PTPRH: variants seen among roughly 807,000 people sequenced by gnomAD.
PTPRH encodes receptor-type tyrosine-protein phosphatase H.
Under a neutral mutation model 130.2 loss-of-function variants are expected in PTPRH, and 113 were observed. The ratio of observed to expected loss-of-function variants is 0.87; its 90% confidence interval spans 0.75 to 1.01. PTPRH has a LOEUF of 1.01. Among genes scored for constraint, PTPRH ranks in the 50% least tolerant of loss-of-function variants. PTPRH has a pLI of 0.00. For synonymous variants in PTPRH, 556 were observed against 577.9 expected (o/e 0.96, Z 0.54); for missense variants, 1,430 against 1,425.0 (o/e 1.00, Z -0.06).
At chr19:55,207,096 C>T (rs1326273795) in intron 2 of PTPRH, 70 bp downstream of exon 2, 1 of 1,601,532 alleles carries the variant, frequency 6.2e-7, no homozygotes, top group Non-Finnish European at 8.5e-7. Flanking sequence ...ACGGGGACCC[C>T]CCAGAGGCTC....
intron 1 of PTPRH, among the ~76,000 whole-genome samples, chr19:55,208,936 C>G (rs1485361219): frequency 9.9e-6 from 1 of 100,554 alleles, no homozygotes; most frequent in African/African-American, 4.1e-5. Flanking sequence ...GGGCTGGGGT[C>G]TGGACTCCTG....
At chr19:55,204,135 T>C in intron 4 of PTPRH, 87 bp from the exon 5 acceptor site, 1 of 1,396,852 alleles carries the variant, frequency 7.2e-7, no homozygotes, top group Non-Finnish European at 9.7e-7. Context: ...TGTTTGTTTT[T>C]TCGAGACAGA....
intron 14 of PTPRH, 100 bp from the exon 15 acceptor site, chr19:55,186,640 A>AGGCAGAG (rs1555875420): frequency 8.7e-7 from 1 of 1,155,868 alleles, no homozygotes; most frequent in African/African-American, 1.6e-5. Flanking sequence ...AGACAAGACC[A>AGGCAGAG]AGACCCATGG....
rs1048372378 is a variant in PTPRH at position 55,206,779 on chromosome 19, C to T, written c.262G>A (p.Gly88Ser). 3.7e-6 allele frequency: 6 copies of T among 1,614,062 alleles called. No homozygotes were observed. The highest frequency in any genetic ancestry group is 2.2e-5 in the East Asian group (1 of 44,902). Residue 88 changes from glycine to serine, a missense_variant, in exon 3 of 20, where the codon GGC (glycine) becomes AGC (serine). Transcript: ENST00000376350. ...NTTATNVTVD[G>S]LGPGSLYTCS... ...GTATACAATGACCCGGGTCCAAGGC[C>T]ATCCACGGTGACGTTGGTGGCTGTT...
chr19:55,204,324 C>T (rs776959650), intron 4 of PTPRH, among the ~76,000 whole-genome samples: 18 of 152,130 alleles, frequency 1.2e-4, no homozygotes, highest in East Asian at 3.9e-4. Context: ...AGGCTGGTCT[C>T]GAACTCCTGA....
At chr19:55,207,277 C>A (rs894948113) in intron 1 of PTPRH, 78 bp from the exon 2 acceptor site, 5 of 1,501,630 alleles carry the variant, frequency 3.3e-6, no homozygotes, top group Non-Finnish European at 4.5e-6. Flanking sequence ...CTGGGAGGAG[C>A]GGCTGGTCCC....
Position 55,197,285 on chromosome 19 carries a change from G to A in PTPRH, c.1822C>T (p.Pro608Ser). ...YWVQWASKGHPRRGQDPQANW... is the reference protein window; with the variant it reads ...YWVQWASKGHSRRGQDPQANW... ...GCTTGGGGATCTTGCCCCCTCCGGG[G>A]ATGTCCCTTGCTGGCCCACTGGACC... Residue 608 changes from proline (P) to serine (S), a missense_variant, in exon 9 of 20, where the codon CCC (proline) becomes TCC (serine). By Grantham distance (74) the Pro-to-Ser change is moderately conservative. Coordinates refer to ENST00000376350, the MANE Select transcript of PTPRH (RefSeq NM_002842.5). 1.2e-6 allele frequency: 2 copies of A among 1,614,266 alleles called. No homozygotes were observed. Among genetic ancestry groups the A allele is most frequent in the South Asian group, 1.1e-5 (1 of 91,084 alleles).
intron 12 of PTPRH, chr19:55,189,696 T>C: frequency 2.2e-6 from 1 of 456,046 alleles, no homozygotes; most frequent in African/African-American, 2.0e-5. Flanking sequence ...CCGAAAATAT[T>C]CCTGCTGGGT....
intron 10 of PTPRH, among the ~76,000 whole-genome samples, chr19:55,192,485 C>T (rs1398904812): frequency 6.6e-6 from 1 of 152,108 alleles, no homozygotes; most frequent in African/African-American, 2.4e-5. Context: ...ATTGGTAAGG[C>T]TTCCAATCAA....
rs771431998 is a variant in PTPRH at position 55,203,872 on chromosome 19, C to T, written c.796G>A (p.Gly266Ser). ...GTATACAATGACCCGGGTCCAAGGC[C>T]ATCCACGGTGACTCTGGTGTCTGTT... is the stretch of plus-strand genomic sequence containing the variant. ...NTTDTRVTVD[G>S]LGPGSLYTCS... The change falls in exon 5 of 20, where the codon GGC becomes AGC. Residue 266 changes from glycine (G) to serine (S), a missense_variant. Transcript: ENST00000376350. 1.9e-6 allele frequency: 3 copies of T among 1,614,192 alleles called. No individual in the cohort carries two copies. Among genetic ancestry groups the T allele is most frequent in the Non-Finnish European group, 2.5e-6 (3 of 1,180,048 alleles).
intron 12 of PTPRH, among the ~76,000 whole-genome samples, chr19:55,190,722 C>T (rs1011454464): frequency 4.7e-5 from 7 of 149,430 alleles, no homozygotes; most frequent in Non-Finnish European, 7.4e-5. Flanking sequence ...CCTCTGCTCC[C>T]GGGTTCAAGT....
At position 55,191,550 on chromosome 19, in the gene PTPRH, T is replaced by C; in HGVS notation, c.2337-2A>G. 2 of 1,614,146 alleles carry C rather than the reference T, an allele frequency of 1.2e-6. No homozygotes were observed. The highest frequency in any genetic ancestry group is 2.2e-5 in the East Asian group (1 of 44,880). The stretch of plus-strand genomic sequence containing the variant: ...GGTTTCTGCTGCTTCTTCTTATTCC[T>C]GGGAAAAGGACGTTAGGATGAGAGG... On this transcript the variant is annotated splice_acceptor_variant, in intron 11 of 19. Transcript: ENST00000376350. LOFTEE classifies it high-confidence loss of function.
At chr19:55,201,916 T>G in intron 6 of PTPRH, 140 bp downstream of exon 6, 1 of 1,339,156 alleles carries the variant, frequency 7.5e-7, no homozygotes, top group Non-Finnish European at 1.0e-6. Flanking sequence ...TCTCCTGAGC[T>G]GAGACTGCCC....
chr19:55,207,384 G>C, intron 1 of PTPRH, 185 bp from the exon 2 acceptor site: 3 of 618,274 alleles, frequency 4.9e-6, no homozygotes, highest in Non-Finnish European at 8.6e-6. Flanking sequence ...AGAGAAGGGG[G>C]AGCATGGCAG....
In PTPRH at chr19:55,206,812, G is replaced by A. The variant is rs767269805; in HGVS notation, c.229C>T (p.Arg77Ter). ...GTGACGTTGGTGGCTGTTGTGTTTC[G>A]AGTCTCTGTTGTGCCGCCGTCTCCA... ...CTGDGGTTET[R>*]NTTATNVTVD... Residue 77 changes from arginine to a stop codon, truncating the protein, a stop_gained, in exon 3 of 20, where the codon CGA becomes TGA. Coordinates refer to ENST00000376350, the MANE Select transcript of PTPRH (RefSeq NM_002842.5). LOFTEE classifies it high-confidence loss of function. The A allele has an allele frequency of 2.7e-5, 44 of 1,614,004 alleles. No individual in the cohort carries two copies. Among genetic ancestry groups the A allele is most frequent in the South Asian group, 5.5e-5 (5 of 91,074 alleles).
intron 6 of PTPRH, among the ~76,000 whole-genome samples, chr19:55,200,950 AC>A (rs200501049): frequency 3.0e-4 from 32 of 106,926 alleles, no homozygotes; most frequent in Middle Eastern, 4.0e-3. Context: ...CTCAAAACAA[AC>A]AAAAAAAACA....
In PTPRH at chr19:55,196,671, T is replaced by C. The variant is rs370565621; in HGVS notation, c.2108A>G (p.Gln703Arg). 3 of 1,613,962 alleles carry C rather than the reference T, an allele frequency of 1.9e-6. No homozygotes were observed. Among genetic ancestry groups the C allele is most frequent in the Non-Finnish European group, 1.7e-6 (2 of 1,179,974 alleles). Residue 703 changes from glutamine to arginine, a missense_variant, in exon 10 of 20, where the codon CAG becomes CGG. Physicochemically the swap from Gln to Arg is conservative, Grantham distance 43. Transcript: ENST00000376350. ...TGAAGATCTGTCCTGGGAGCCCCGCTGTCCTCCCACCTCCAACTCAAAGGC... is the reference window on the plus strand; with the variant it reads ...TGAAGATCTGTCCTGGGAGCCCCGCCGTCCTCCCACCTCCAACTCAAAGGC... ...YEAFELEVGG[Q>R]RGSQDRSSCG...
rs143505843 is a variant in PTPRH at position 55,203,839 on chromosome 19, C to T, written c.829G>A (p.Val277Met). 83 of 1,613,978 alleles carry T rather than the reference C, an allele frequency of 5.1e-5. No homozygotes were observed. Among genetic ancestry groups the T allele is most frequent in the Non-Finnish European group, 6.7e-5 (79 of 1,179,962 alleles). Reference sequence around the variant, plus strand: ...TTTACTCCGTCTTTCTCCACCCACACAGAACACGTATACAATGACCCGGGT... The same window carrying T: ...TTTACTCCGTCTTTCTCCACCCACATAGAACACGTATACAATGACCCGGGT... ...LGPGSLYTCS[V>M]WVEKDGVNSS... The change falls in exon 5 of 20, where the codon GTG becomes ATG. Residue 277 changes from valine to methionine, a missense_variant. Val to Met is a conservative substitution (Grantham distance 21). Coordinates refer to ENST00000376350, the MANE Select transcript of PTPRH (RefSeq NM_002842.5).
intron 4 of PTPRH, among the ~76,000 whole-genome samples, chr19:55,204,801 T>C (rs543399199): frequency 6.6e-6 from 1 of 152,330 alleles, no homozygotes; most frequent in South Asian, 2.1e-4. Context: ...TCAACAGGGC[T>C]TTCAAACATA....
Sources: allele counts gnomAD v4.1 joint callset (sites outside exome capture counted in the v4.1 genomes callset), GRCh38; gene constraint gnomAD v4.1.1; transcripts MANE v1.5; gene names NCBI Gene and HGNC (gene_info 2026-07-23, HGNC 2026-07-21).